The following SAE1 variants were observed in gnomAD, a reference collection of about 807,000 sequenced individuals.
SAE1 encodes the protein SUMO-activating enzyme subunit 1.
Under a neutral mutation model 40.6 loss-of-function variants are expected in SAE1, and 11 were observed. That is an observed-to-expected ratio of 0.27 (90% CI 0.17 to 0.45). SAE1 has a LOEUF of 0.45. Ranked by LOEUF, SAE1 falls within the 20% of genes least tolerant of loss-of-function variation. The pLI is 1.00. For missense variants in SAE1, 373 were observed against 427.3 expected, an observed-to-expected ratio of 0.87 and a Z score of 1.12; for synonymous variants, 155 against 154.3, an observed-to-expected ratio of 1.00 and a Z score of -0.03.
At chr19:47,150,175 T>C in intron 2 of SAE1, 27 bp from the exon 3 acceptor site, 3 of 1,465,558 alleles carry the variant, frequency 2.0e-6, no homozygotes, top group Non-Finnish European at 2.7e-6. Context: ...AATACAAGAC[T>C]TAAAAAAATA....
intron 6 of SAE1, among the ~76,000 whole-genome samples, chr19:47,191,827 G>T (rs550641651): frequency 6.6e-6 from 1 of 152,044 alleles, no homozygotes; most frequent in South Asian, 2.1e-4. Context: ...AGGCCAAGGC[G>T]GGCCGATCAC....
chr19:47,184,051 C>T (rs1340280701), intron 6 of SAE1, among the ~76,000 whole-genome samples: 2 of 151,846 alleles, frequency 1.3e-5, no homozygotes, highest in African/African-American at 4.8e-5. Context: ...TTAGTTTTTT[C>T]ATACTAGTTA....
intron 5 of SAE1, among the ~76,000 whole-genome samples, chr19:47,161,461 T>C (rs1315054500): frequency 6.6e-6 from 1 of 152,198 alleles, no homozygotes. Context: ...TATCTTCTAC[T>C]TCTTCTCCCT....
At position 47,130,899 on chromosome 19, in the gene SAE1, G is replaced by A. The variant is rs778818576; in HGVS notation, c.-32G>A. On this transcript the variant is annotated 5_prime_UTR_variant, in exon 1 of 9. Transcript: ENST00000270225. The stretch of plus-strand genomic sequence containing the variant: ...GTCCGGCGGGCGGTTGGCTTGAGCG[G>A]GACCGGAGCTGAGGCAGGAAGAGCC... The A allele has an allele frequency of 5.8e-6, 9 of 1,548,268 alleles. No individual in the cohort carries two copies. The highest frequency in any genetic ancestry group is 7.9e-6 in the Non-Finnish European group (9 of 1,146,348).
intron 5 of SAE1, among the ~76,000 whole-genome samples, chr19:47,164,170 TA>T (rs1051612150): frequency 6.6e-5 from 10 of 152,144 alleles, no homozygotes; most frequent in Non-Finnish European, 1.3e-4. Flanking sequence ...ATTTTATTTT[TA>T]TTTTTTTATT....
At chr19:47,131,234 C>G in intron 1 of SAE1, 1 of 1,292,886 alleles carries the variant, frequency 7.7e-7, no homozygotes, top group East Asian at 3.1e-5. Flanking sequence ...GAGGGCCGTT[C>G]CGAAGGATGG....
At chr19:47,168,636 C>A (rs904628107) in intron 5 of SAE1, among the ~76,000 whole-genome samples, 6 of 151,872 alleles carry the variant, frequency 4.0e-5, no homozygotes, top group Admixed American at 2.0e-4. Flanking sequence ...GAGTTTCGCT[C>A]TTGTTGCTGA....
chr19:47,201,416 G>A (rs1172381984), intron 7 of SAE1, among the ~76,000 whole-genome samples: 1 of 118,650 alleles, frequency 8.4e-6, no homozygotes, highest in East Asian at 2.6e-4. Flanking sequence ...GTGTCACCCA[G>A]GCTGGAGTGC....
intron 7 of SAE1, among the ~76,000 whole-genome samples, chr19:47,197,636 A>G (rs188590656): frequency 4.6e-5 from 7 of 152,306 alleles, no homozygotes; most frequent in Admixed American, 3.9e-4. Flanking sequence ...TGTAAACATT[A>G]TTCTCTACCT....
At chr19:47,144,772 A>G (rs984565735) in intron 2 of SAE1, among the ~76,000 whole-genome samples, 2 of 152,212 alleles carry the variant, frequency 1.3e-5, no homozygotes, top group African/African-American at 2.4e-5. Flanking sequence ...ACTGCTTTGT[A>G]TAGTGCTTGA....
intron 3 of SAE1, among the ~76,000 whole-genome samples, chr19:47,151,500 C>CT: frequency 6.9e-6 from 1 of 143,968 alleles, no homozygotes; most frequent in East Asian, 2.1e-4. Context: ...GAGATGGAGT[C>CT]TCACTCTGTC....
intron 3 of SAE1, 66 bp from the exon 4 acceptor site, chr19:47,152,832 T>C: frequency 1.4e-6 from 2 of 1,469,716 alleles, no homozygotes; most frequent in South Asian, 2.4e-5. Context: ...AAGATTTATT[T>C]AGACATCAGG....
In SAE1 at chr19:47,197,338, T is replaced by C; in HGVS notation, c.839T>C (p.Leu280Pro). The change falls in exon 7 of 9, where the codon CTG (leucine) becomes CCG (proline). Residue 280 changes from leucine (L) to proline (P), a missense_variant. This residue lies in a region of SAE1 where 351 missense variants were observed against 390.6 expected (regional missense o/e 0.90). Coordinates refer to ENST00000270225, the MANE Select transcript of SAE1 (RefSeq NM_005500.3). ...ATACGAAATGATGTGCTTGACTCAC[T>C]GGGTATTAGTCCTGACCTGCTTCCT... ...LQIRNDVLDS[L>P]GISPDLLPED... is the part of the protein sequence containing the mutation. The C allele has an allele frequency of 6.2e-7, 1 of 1,614,152 alleles. No individual in the cohort carries two copies. Among genetic ancestry groups the C allele is most frequent in the Non-Finnish European group, 8.5e-7 (1 of 1,179,982 alleles).
At chr19:47,194,423 A>G (rs2058600220) in intron 6 of SAE1, among the ~76,000 whole-genome samples, 1 of 152,236 alleles carries the variant, frequency 6.6e-6, no homozygotes, top group Non-Finnish European at 1.5e-5. Flanking sequence ...GGTAGAGAGT[A>G]TAATTTGCTG....
intron 5 of SAE1, among the ~76,000 whole-genome samples, chr19:47,165,649 C>T (rs2058387866): frequency 6.6e-6 from 1 of 152,148 alleles, no homozygotes; most frequent in Non-Finnish European, 1.5e-5. Flanking sequence ...TGTATTTTTT[C>T]TTTATAAGCG....
At chr19:47,172,576 C>T (rs1451684846) in intron 6 of SAE1, among the ~76,000 whole-genome samples, 3 of 151,886 alleles carry the variant, frequency 2.0e-5, no homozygotes, top group Non-Finnish European at 4.4e-5. Context: ...AGGTGGTGTG[C>T]GCCTGTAATC....
chr19:47,193,178 C>T (rs1412984162), intron 6 of SAE1, among the ~76,000 whole-genome samples: 1 of 151,808 alleles, frequency 6.6e-6, no homozygotes, highest in East Asian at 1.9e-4. Context: ...CTGCCTCAGC[C>T]TCCCGAGTAG....
chr19:47,206,342 C>T (rs756694220), intron 8 of SAE1, among the ~76,000 whole-genome samples: 6 of 152,224 alleles, frequency 3.9e-5, no homozygotes, highest in Non-Finnish European at 8.8e-5. Context: ...TACTGGTCAG[C>T]CTTCAGCCAG....
At position 47,193,836 on chromosome 19, in the gene SAE1, AAAAAGAAAG is replaced by A. The variant is rs200843658; in HGVS notation, c.734-3388_734-3380del. On this transcript the variant is annotated intron_variant, in intron 6 of 8. Coordinates refer to ENST00000270225, the MANE Select transcript of SAE1 (RefSeq NM_005500.3). ...GAGCAAGATTGTCTCAAAAAAAAAA[AAAAAGAAAG>A]AAAAGAAAAAGAAAAAGAAATTACC... Among the ~76,000 whole-genome samples, 192 of 141,750 alleles carry A rather than the reference AAAAAGAAAG, an allele frequency of 1.4e-3. No individual in the cohort carries two copies. In the East Asian group the frequency reaches 0.024, roughly 18 times the overall value. The allele number at this position is 141,750 out of a possible 152,430, so 93.0% of individuals were successfully genotyped here.
Sources: allele counts gnomAD v4.1 joint callset (sites outside exome capture counted in the v4.1 genomes callset), GRCh38; gene constraint gnomAD v4.1.1; regional missense constraint gnomAD v4.1.1; transcripts MANE v1.5; gene names NCBI Gene and HGNC (gene_info 2026-07-23, HGNC 2026-07-21).